The following MAPK9 variants were observed in gnomAD, a reference collection of about 807,000 sequenced individuals.
The protein encoded by MAPK9 is Jun kinase.
MAPK9 carries 30 observed loss-of-function variants against 57.1 expected under a neutral mutation model. That is an observed-to-expected ratio of 0.53 (90% confidence interval 0.39 to 0.71). The LOEUF (loss-of-function observed/expected upper bound fraction) is 0.71. Among genes scored for constraint, MAPK9 ranks in the 30% least tolerant of loss-of-function variants. The pLI is 0.00. For synonymous variants in MAPK9, 155 were observed against 177.0 expected (o/e 0.88, Z 0.99); for missense variants, 362 against 521.0 (o/e 0.69, Z 2.97).
Position 180,248,594 on chromosome 5 carries a change from T to C in MAPK9, c.616+379A>G, listed in dbSNP as rs114330550. On this transcript the variant is annotated intron_variant, in intron 6 of 11. Coordinates refer to ENST00000452135, the MANE Select transcript of MAPK9 (RefSeq NM_002752.5). ...CAGACCAACAAATAAAGCTGATCCA[T>C]GGTACTGGAGATCAGGAGATTGGCC... 2.9e-3 allele frequency among the ~76,000 whole-genome samples: 445 copies of C among 152,288 alleles called. 2 individuals are homozygous for C. Among genetic ancestry groups the C allele is most frequent in the African/African-American group, 0.01 (416 of 41,570 alleles).
intron 2 of MAPK9, among the ~76,000 whole-genome samples, chr5:180,275,662 C>T (rs897944953): frequency 2.0e-5 from 3 of 152,228 alleles, no homozygotes; most frequent in Admixed American, 6.5e-5. Context: ...GGGGAAAATG[C>T]TGAGCATGGG....
chr5:180,274,392 G>A (rs1761629834), intron 2 of MAPK9, among the ~76,000 whole-genome samples: 1 of 152,214 alleles, frequency 6.6e-6, no homozygotes, highest in South Asian at 2.1e-4. Context: ...TAAAGGCAGA[G>A]TTTGCTCTGG....
chr5:180,258,627 T>A (rs1313172818), intron 5 of MAPK9, among the ~76,000 whole-genome samples: 1 of 152,002 alleles, frequency 6.6e-6, no homozygotes, highest in Non-Finnish European at 1.5e-5. Context: ...AAAGAACTCA[T>A]ACTGGAGAGA....
intron 1 of MAPK9, among the ~76,000 whole-genome samples, chr5:180,282,311 G>C (rs773027026): frequency 6.6e-6 from 1 of 152,180 alleles, no homozygotes; most frequent in African/African-American, 2.4e-5. Flanking sequence ...CTTTATGCAC[G>C]AAAGTGGTAA....
chr5:180,240,185 A>G (rs1245819226), intron 9 of MAPK9, among the ~76,000 whole-genome samples, 198 bp from the exon 10 acceptor site: 2 of 152,244 alleles, frequency 1.3e-5, no homozygotes, highest in Non-Finnish European at 1.5e-5. Context: ...AAAGTTAACC[A>G]AAGAAGAGTT....
intron 6 of MAPK9, chr5:180,248,039 T>G: frequency 1.1e-6 from 1 of 927,822 alleles, no homozygotes; most frequent in Non-Finnish European, 1.6e-6. Flanking sequence ...GGAGCCTCTG[T>G]GCGTTGTTGA....
At chr5:180,246,226 T>G (rs1237125363) in intron 7 of MAPK9, 1 of 151,302 alleles carries the variant, frequency 6.6e-6, no homozygotes. Context: ...CCTTTTTAAT[T>G]AAGTTTACTT....
chr5:180,289,127 T>A (rs1235821085), intron 1 of MAPK9, among the ~76,000 whole-genome samples: 2 of 152,138 alleles, frequency 1.3e-5, no homozygotes, highest in South Asian at 2.1e-4. Context: ...AGAAAAAAAA[T>A]CTGGTCTCTG....
intron 2 of MAPK9, among the ~76,000 whole-genome samples, chr5:180,274,157 T>C (rs775646256): frequency 3.9e-5 from 6 of 152,212 alleles, no homozygotes; most frequent in Non-Finnish European, 7.3e-5. Flanking sequence ...TTCATATTGT[T>C]AGATTTTTCC....
chr5:180,244,778 GAAAAAA>G lies in MAPK9; in HGVS notation c.689-2029_689-2024del, dbSNP rs77077681. On this transcript the variant is annotated intron_variant, in intron 7 of 11. Transcript: ENST00000452135. ...AATGGAGTGAGACTCTGTCTCAAAG[GAAAAAA>G]AAAAAAAAAAAAGGAAAGAAAAAAG... 7.1e-5 allele frequency among the ~76,000 whole-genome samples: 9 copies of G among 127,378 alleles called. No individual in the cohort carries two copies. In the Admixed American group the frequency reaches 7.2e-4, roughly 10 times the overall value. The allele number at this position is 127,378 out of a possible 152,430, so 83.6% of individuals were successfully genotyped here. A position where few individuals can be genotyped will look rare whatever the true frequency, so the allele number is the denominator to read the frequency against.
At chr5:180,251,038 A>T (rs1758629314) in intron 5 of MAPK9, among the ~76,000 whole-genome samples, 1 of 152,238 alleles carries the variant, frequency 6.6e-6, no homozygotes, top group Non-Finnish European at 1.5e-5. Flanking sequence ...AACAGATAAA[A>T]TAATGCTCAA....
In MAPK9 at chr5:180,234,986, A is replaced by G. The variant is rs909869539; in HGVS notation, c.*1398T>C. The G allele has an allele frequency of 6.6e-6, 1 of 152,254 alleles. No individual in the cohort carries two copies. The highest frequency in any genetic ancestry group is 6.5e-5 in the Admixed American group (1 of 15,284). The allele number at this position is 152,254 out of a possible 1,614,324, so 9.4% of individuals were successfully genotyped here. On this transcript the variant is annotated 3_prime_UTR_variant, in exon 12 of 12. Coordinates refer to ENST00000452135, the MANE Select transcript of MAPK9 (RefSeq NM_002752.5). ...ATGAATCAGCAACAGAATAAGCTCA[A>G]GGGAAGAGACATGGGCACAGGCAGG...
intron 7 of MAPK9, chr5:180,246,948 T>C (rs1043688963): frequency 6.4e-6 from 1 of 155,582 alleles, no homozygotes; most frequent in Non-Finnish European, 1.4e-5. Context: ...ACTTAGGTCC[T>C]TTGTAATGTG....
rs555104884 is a variant in MAPK9 at position 180,238,183 on chromosome 5, T to C, written c.1132+149A>G. ...TACTCGGGAGGCTGAGGCAGGAGAA[T>C]TGCTTGAACCCAGGAGGCGGAGGTT... On this transcript the variant is annotated intron_variant, in intron 11 of 11. Transcript: ENST00000452135. The C allele has an allele frequency of 1.7e-3, 917 of 533,224 alleles. 7 individuals are homozygous for C. The highest frequency in any genetic ancestry group is 0.016 in the African/African-American group (811 of 51,400). The allele number at this position is 533,224 out of a possible 1,614,324, so 33.0% of individuals were successfully genotyped here. A position where few individuals can be genotyped will look rare whatever the true frequency, so the allele number is the denominator to read the frequency against.
intron 8 of MAPK9, 55 bp from the exon 9 acceptor site, chr5:180,241,210 A>G (rs1757624492): frequency 4.0e-6 from 6 of 1,518,712 alleles, no homozygotes; most frequent in Non-Finnish European, 5.4e-6. Context: ...AAACAGAATC[A>G]TACAATAAAG....
intron 1 of MAPK9, among the ~76,000 whole-genome samples, 179 bp downstream of exon 1, chr5:180,291,669 G>A (rs1261707171): frequency 6.6e-6 from 1 of 151,646 alleles, no homozygotes; most frequent in African/African-American, 2.4e-5. Context: ...GCTGCTGACA[G>A]CCGGGCGGAA....
At chr5:180,262,493 T>G (rs768278604) in intron 4 of MAPK9, among the ~76,000 whole-genome samples, 10 of 151,672 alleles carry the variant, frequency 6.6e-5, no homozygotes, top group South Asian at 4.2e-4. Context: ...AGTGGCGTGA[T>G]CTCGCCTCAC....
chr5:180,267,424 T>G (rs1470106719), intron 3 of MAPK9, among the ~76,000 whole-genome samples: 2 of 151,610 alleles, frequency 1.3e-5, no homozygotes, highest in African/African-American at 2.4e-5. Context: ...TAGCTGGGTG[T>G]GGTGGCGGGC....
chr5:180,241,504 T>C (rs562697647), intron 8 of MAPK9, among the ~76,000 whole-genome samples: 1 of 152,274 alleles, frequency 6.6e-6, no homozygotes, highest in African/African-American at 2.4e-5. Context: ...TTTCACTGTG[T>C]TAGGCAGGAT....
Sources: gnomAD v4.1 joint callset for allele counts (sites outside exome capture counted in the v4.1 genomes callset) on GRCh38, gnomAD v4.1.1 for gene constraint, MANE v1.5 for transcripts, NCBI Gene and HGNC (gene_info 2026-07-23, HGNC 2026-07-21) for gene names.